The following MTMR9 variants were observed in gnomAD, a reference collection of about 807,000 sequenced individuals.
MTMR9 encodes the protein myotubularin related protein 9, also known as myotubularin-related protein 9.
A neutral mutation model predicts 69.5 loss-of-function variants in MTMR9; 39 were observed. The ratio of observed to expected loss-of-function variants is 0.56; its 90% CI spans 0.43 to 0.73. The LOEUF is 0.73. Ranked by LOEUF, MTMR9 falls within the 30% of genes least tolerant of loss-of-function variation. MTMR9 has a pLI of 0.00. For missense variants in MTMR9, 900 were observed against 671.2 expected (o/e 1.34, Z -3.77); for synonymous variants, 354 against 240.8 (o/e 1.47, Z -4.35).
chr8:11,322,775 A>C lies in MTMR9; in HGVS notation c.1637A>C (p.Gln546Pro), dbSNP rs1241239904. 6.2e-7 allele frequency: 1 copy of C among 1,613,966 alleles called. No homozygotes were observed. The highest frequency in any genetic ancestry group is 8.5e-7 in the Non-Finnish European group (1 of 1,179,912). The change falls in exon 10 of 10, where the codon CAG becomes CCG. Residue 546 changes from glutamine (Q) to proline (P), a missense_variant. Gln to Pro is a moderately conservative substitution (Grantham distance 76, BLOSUM62 -1). Transcript: ENST00000221086. ...LAELETEDGM[Q>P]ESP ...GAACTGGAAACAGAGGACGGGATGC[A>C]GGAGAGTCCCTGAAAGGTCTCCTCG...
chr8:11,313,892 C>A (rs917281621), intron 6 of MTMR9, among the ~76,000 whole-genome samples: 1 of 152,140 alleles, frequency 6.6e-6, no homozygotes. Context: ...GTAAAACATG[C>A]TGTTGGAAAA....
At position 11,314,972 on chromosome 8, in the gene MTMR9, C is replaced by T. The variant is rs1006339232; in HGVS notation, c.1021C>T (p.Leu341Phe). ...IHGTEGTDSTLQVTSLAQIIL... is the reference protein window; with the variant it reads ...IHGTEGTDSTFQVTSLAQIIL... Reference sequence around the variant, plus strand: ...CGGAACAGAAGGAACTGATTCCACACTCCAGGTGACCTCCTTGGCCCAGAT... The same window carrying T: ...CGGAACAGAAGGAACTGATTCCACATTCCAGGTGACCTCCTTGGCCCAGAT... Residue 341 changes from leucine (L) to phenylalanine (F), a missense_variant, in exon 7 of 10, where the codon CTC becomes TTC. Coordinates refer to ENST00000221086, the MANE Select transcript of MTMR9 (RefSeq NM_015458.4). 4 of 1,613,912 alleles carry T rather than the reference C, an allele frequency of 2.5e-6. No homozygotes were observed. The highest frequency in any genetic ancestry group is 1.6e-4 in the Middle Eastern group (1 of 6,084).
chr8:11,309,739 C>G (rs1800117789), intron 6 of MTMR9, 51 bp downstream of exon 6: 3 of 1,588,116 alleles, frequency 1.9e-6, no homozygotes, highest in African/African-American at 1.4e-5. Context: ...GCTAACTAGA[C>G]TTTGTGTTTA....
intron 1 of MTMR9, among the ~76,000 whole-genome samples, chr8:11,293,378 T>C (rs949826884): frequency 1.3e-4 from 20 of 152,254 alleles, no homozygotes; most frequent in African/African-American, 4.8e-4. Flanking sequence ...TTAAAAAGTT[T>C]ATAAAGTAAA....
intron 1 of MTMR9, among the ~76,000 whole-genome samples, chr8:11,291,349 G>GA (rs1180336741): frequency 2.6e-5 from 4 of 151,968 alleles, no homozygotes; most frequent in Non-Finnish European, 5.9e-5. Flanking sequence ...CCTTCTACCT[G>GA]AAAAAACTAA....
In MTMR9 at chr8:11,326,519, G is replaced by A. The variant is rs1800938418; in HGVS notation, c.*3731G>A. 2 of 152,052 alleles carry A rather than the reference G, an allele frequency of 1.3e-5. No individual in the cohort carries two copies. Among genetic ancestry groups the A allele is most frequent in the Admixed American group, 1.3e-4 (2 of 15,274 alleles). The allele number at this position is 152,052 out of a possible 1,614,324, so 9.4% of individuals were successfully genotyped here. ...TTTTAATTGGGCAACCCTCAGAACTGAAGAGGTTCAGAGAACTTTCCAGGT... is the reference window on the plus strand; with the variant it reads ...TTTTAATTGGGCAACCCTCAGAACTAAAGAGGTTCAGAGAACTTTCCAGGT... On this transcript the variant is annotated 3_prime_UTR_variant, in exon 10 of 10. Transcript: ENST00000221086.
chr8:11,295,354 C>T (rs754685418), intron 2 of MTMR9, 52 bp downstream of exon 2: 4 of 979,784 alleles, frequency 4.1e-6, no homozygotes, highest in Non-Finnish European at 6.5e-6. Flanking sequence ...TATTATGACT[C>T]AGTGTAGCTC....
At chr8:11,304,210 G>A (rs963525189) in intron 3 of MTMR9, among the ~76,000 whole-genome samples, 1 of 152,062 alleles carries the variant, frequency 6.6e-6, no homozygotes, top group Non-Finnish European at 1.5e-5. Flanking sequence ...ACCTTCCTTA[G>A]TATTGAGTTG....
Position 11,322,796 on chromosome 8 carries a change from C to G in MTMR9, c.*8C>G, listed in dbSNP as rs1800756187. 2 of 1,607,290 alleles carry G rather than the reference C, an allele frequency of 1.2e-6. No individual in the cohort carries two copies. Among genetic ancestry groups the G allele is most frequent in the African/African-American group, 1.3e-5 (1 of 74,554 alleles). On this transcript the variant is annotated 3_prime_UTR_variant, in exon 10 of 10. Coordinates refer to ENST00000221086, the MANE Select transcript of MTMR9 (RefSeq NM_015458.4). ...ATGCAGGAGAGTCCCTGAAAGGTCT[C>G]CTCGCACCCTTCGCAAGGACCTTCT... is the stretch of plus-strand genomic sequence containing the variant.
intron 5 of MTMR9, 82 bp downstream of exon 5, chr8:11,306,489 G>C (rs1799945997): frequency 7.9e-7 from 1 of 1,258,676 alleles, no homozygotes; most frequent in African/African-American, 1.5e-5. Flanking sequence ...AAAATCACAA[G>C]TGCTCAAATT....
chr8:11,303,374 TATC>T (rs1374886309), intron 3 of MTMR9, among the ~76,000 whole-genome samples: 7 of 151,768 alleles, frequency 4.6e-5, no homozygotes, highest in African/African-American at 1.7e-4. Flanking sequence ...ATAACAGTAT[TATC>T]ATGTTGTTTA....
At chr8:11,289,314 G>T (rs559957744) in intron 1 of MTMR9, among the ~76,000 whole-genome samples, 1 of 152,352 alleles carries the variant, frequency 6.6e-6, no homozygotes, top group South Asian at 2.1e-4. Flanking sequence ...AACTCCTTCA[G>T]TTCTGCCTCT....
rs761128673 is a variant in MTMR9 at position 11,295,237 on chromosome 8, T to C, written c.226T>C (p.Phe76Leu). 4.3e-6 allele frequency: 7 copies of C among 1,611,496 alleles called. No individual in the cohort carries two copies. The African/African-American group carries it at 8.0e-5, about 18-fold the overall frequency. Residue 76 changes from phenylalanine (F) to leucine (L), a missense_variant, in exon 2 of 10, where the codon TTT (phenylalanine) becomes CTT (leucine). Transcript: ENST00000221086. ...LGTIIIKCKD[F>L]RIIQLDIPGM... ...TACCATCATCATAAAATGTAAAGATTTTCGAATTATTCAGTTGGATATTCC... is the reference window on the plus strand; with the variant it reads ...TACCATCATCATAAAATGTAAAGATCTTCGAATTATTCAGTTGGATATTCC...
chr8:11,335,487 G>A, the MTMR9 span, among the ~76,000 whole-genome samples: 1 of 152,188 alleles, frequency 6.6e-6, no homozygotes, highest in African/African-American at 2.4e-5. Context: ...AGATATCAGT[G>A]CTTCCCATCT....
At chr8:11,332,033 C>T (rs962574609), downstream of MTMR9, 2 of 1,611,854 alleles carry the variant, frequency 1.2e-6, no homozygotes, top group Non-Finnish European at 8.5e-7. Context: ...CACTTTCTGA[C>T]ATCATGGGGG....
At chr8:11,301,028 C>A (rs979388016) in intron 3 of MTMR9, among the ~76,000 whole-genome samples, 7 of 152,088 alleles carry the variant, frequency 4.6e-5, no homozygotes, top group African/African-American at 1.7e-4. Context: ...ATGGGTGGTG[C>A]TATGTTCTAA....
rs971890157 is a variant in MTMR9, at chr8:11,284,842, C to T, written c.-47C>T. 12 of 1,537,140 alleles carry T rather than the reference C, an allele frequency of 7.8e-6. No homozygotes were observed. Among genetic ancestry groups the T allele is most frequent in the Non-Finnish European group, 1.1e-5 (12 of 1,136,992 alleles). On this transcript the variant is annotated 5_prime_UTR_variant, in exon 1 of 10. Coordinates refer to ENST00000221086, the MANE Select transcript of MTMR9 (RefSeq NM_015458.4). Reference sequence around the variant, plus strand: ...CTACTTCCCTGCGGCGGGGTAACCGCCTCGCACCTACCGGGCTCGGTTCCC... The same window carrying T: ...CTACTTCCCTGCGGCGGGGTAACCGTCTCGCACCTACCGGGCTCGGTTCCC...
intron 7 of MTMR9, among the ~76,000 whole-genome samples, chr8:11,315,398 G>A (rs78223843): frequency 0.029 from 4,362 of 152,132 alleles, 227 homozygotes; most frequent in African/African-American, 0.1. Flanking sequence ...GGGGGAGTGG[G>A]GCCTGTAGTT....
rs1163817141 is a variant in MTMR9 at position 11,300,203 on chromosome 8, G to A, written c.417+55G>A. ...TGAGAAGTAACCCAATACCTTATTT[G>A]ACTTGTGAAAATGATCACTTCTTTT... On this transcript the variant is annotated intron_variant, in intron 3 of 9. Transcript: ENST00000221086. 4.4e-6 allele frequency: 7 copies of A among 1,585,846 alleles called. No homozygotes were observed. The Admixed American group carries it at 1.2e-4, about 27-fold the overall frequency.
Sources: gnomAD v4.1 joint callset for allele counts (sites outside exome capture counted in the v4.1 genomes callset) on GRCh38, gnomAD v4.1.1 for gene constraint, MANE v1.5 for transcripts, NCBI Gene and HGNC (gene_info 2026-07-23, HGNC 2026-07-21) for gene names.